LUZP2: variants seen among roughly 807,000 people sequenced by gnomAD.
LUZP2 encodes leucine zipper protein 2.
A neutral mutation model predicts 51.6 loss-of-function variants in LUZP2; 52 were observed. The observed-to-expected ratio is 1.01, with a 90% CI of 0.81 to 1.27. The LOEUF (loss-of-function observed/expected upper bound fraction) is 1.27, where lower values mean the gene tolerates loss of function less well. Among genes scored for constraint, LUZP2 ranks in the 50% most tolerant of loss-of-function variants. LUZP2 has a pLI of 0.00. For missense variants in LUZP2, 436 were observed against 395.4 expected, an observed-to-expected ratio of 1.10 and a Z score of -0.87; for synonymous variants, 154 against 137.3, an observed-to-expected ratio of 1.12 and a Z score of -0.85.
chr11:24,628,760 T>C (rs1245108379), intron 1 of LUZP2, among the ~76,000 whole-genome samples: 3 of 152,072 alleles, frequency 2.0e-5, no homozygotes, highest in Admixed American at 6.6e-5. Context: ...GGTTTCACCG[T>C]GTTGGCCAGG....
chr11:25,039,488 G>C (rs1857971586), intron 9 of LUZP2, among the ~76,000 whole-genome samples: 1 of 152,128 alleles, frequency 6.6e-6, no homozygotes, highest in African/African-American at 2.4e-5. Flanking sequence ...CAGTTAGCTG[G>C]GGCTAAAGCC....
In LUZP2 at chr11:24,887,500, A is replaced by G. The variant is rs142840560; in HGVS notation, c.397-18491A>G. Among the ~76,000 whole-genome samples the G allele has an allele frequency of 6.0e-3, 916 of 152,280 alleles. 7 individuals are homozygous for G. Among genetic ancestry groups the G allele is most frequent in the Non-Finnish European group, 9.7e-3 (662 of 68,026 alleles). Reference sequence around the variant, plus strand: ...GGCAATGAATGATTTCTTTAAAGGAAGTATCAGAAAAGCAGGCACCAGTCT... The same window carrying G: ...GGCAATGAATGATTTCTTTAAAGGAGGTATCAGAAAAGCAGGCACCAGTCT... On this transcript the variant is annotated intron_variant, in intron 5 of 11. Transcript: ENST00000336930.
intron 4 of LUZP2, among the ~76,000 whole-genome samples, chr11:24,753,961 G>A (rs935738801): frequency 6.6e-6 from 1 of 152,102 alleles, no homozygotes; most frequent in African/African-American, 2.4e-5. Context: ...AGTATTGGGG[G>A]ACCAGCCAAG....
chr11:24,562,649 C>T (rs1309992648), intron 1 of LUZP2, among the ~76,000 whole-genome samples: 1 of 149,312 alleles, frequency 6.7e-6, no homozygotes, highest in Non-Finnish European at 1.5e-5. Context: ...GTCAGGAGAA[C>T]GAGACCATCC....
At chr11:25,010,108 T>C (rs1351697683) in intron 9 of LUZP2, among the ~76,000 whole-genome samples, 5 of 152,230 alleles carry the variant, frequency 3.3e-5, no homozygotes, top group Non-Finnish European at 7.3e-5. Context: ...CACTGTTTTT[T>C]AAAACTATCA....
chr11:24,574,656 A>T (rs1409557416), intron 1 of LUZP2, among the ~76,000 whole-genome samples: 3 of 152,080 alleles, frequency 2.0e-5, no homozygotes, highest in Non-Finnish European at 4.4e-5. Context: ...TGAGTAAGTG[A>T]AAAAGTACTG....
chr11:24,589,919 C>T (rs576869002), intron 1 of LUZP2, among the ~76,000 whole-genome samples: 3 of 70,098 alleles, frequency 4.3e-5, no homozygotes, highest in Admixed American at 2.0e-4. Context: ...TGTTCACAAC[C>T]GAAGTAATTG....
chr11:24,791,212 T>C (rs187818450), intron 5 of LUZP2, among the ~76,000 whole-genome samples: 164 of 152,324 alleles, frequency 1.1e-3, no homozygotes, highest in Non-Finnish European at 2.0e-3. Flanking sequence ...TAATAAAATA[T>C]TACAGATCCA....
intron 9 of LUZP2, among the ~76,000 whole-genome samples, chr11:25,006,674 C>T (rs1048762396): frequency 9.2e-5 from 14 of 152,174 alleles, no homozygotes; most frequent in African/African-American, 3.4e-4. Context: ...TCCAATGGCA[C>T]TCACCACTTG....
At chr11:24,879,982 C>G (rs1019593774) in intron 5 of LUZP2, among the ~76,000 whole-genome samples, 1 of 152,172 alleles carries the variant, frequency 6.6e-6, no homozygotes, top group Non-Finnish European at 1.5e-5. Context: ...ATGTCACATG[C>G]TCCCCATGTC....
chr11:24,736,266 T>C (rs1565107198), intron 3 of LUZP2, among the ~76,000 whole-genome samples: 1 of 152,014 alleles, frequency 6.6e-6, no homozygotes, highest in East Asian at 1.9e-4. Flanking sequence ...CATTGTCATT[T>C]TAATAAAACA....
chr11:24,591,727 A>AG (rs1250097417), intron 1 of LUZP2, among the ~76,000 whole-genome samples: 10 of 152,190 alleles, frequency 6.6e-5, no homozygotes, highest in African/African-American at 9.6e-5. Context: ...AAATTGTGAT[A>AG]ATAATAGATA....
chr11:24,608,639 A>T (rs1854015300), intron 1 of LUZP2, among the ~76,000 whole-genome samples: 1 of 152,184 alleles, frequency 6.6e-6, no homozygotes, highest in South Asian at 2.1e-4. Flanking sequence ...AGTCAAGGGG[A>T]AATAACCTGA....
At chr11:24,585,660 C>T (rs1226917789) in intron 1 of LUZP2, among the ~76,000 whole-genome samples, 1 of 152,002 alleles carries the variant, frequency 6.6e-6, no homozygotes, top group Non-Finnish European at 1.5e-5. Context: ...TTTGTGTTGG[C>T]TGGGTCTGCT....
At chr11:25,042,649 C>A (rs1858105470) in intron 9 of LUZP2, among the ~76,000 whole-genome samples, 1 of 152,108 alleles carries the variant, frequency 6.6e-6, no homozygotes, top group South Asian at 2.1e-4. Flanking sequence ...CTGAAATCTG[C>A]CAGGACTATA....
At position 24,976,702 on chromosome 11, in the gene LUZP2, T is replaced by C. The variant is rs370090088; in HGVS notation, c.597+37T>C. 125 of 976,608 alleles carry C rather than the reference T, an allele frequency of 1.3e-4. No homozygotes were observed. The African/African-American group carries it at 2.7e-3, about 21-fold the overall frequency. 60.5% of individuals were successfully genotyped at this position (976,608 alleles called of 1,614,324 possible). A position where few individuals can be genotyped will look rare whatever the true frequency, so the allele number is the denominator to read the frequency against. On this transcript the variant is annotated intron_variant, in intron 8 of 11. Coordinates refer to ENST00000336930, the MANE Select transcript of LUZP2 (RefSeq NM_001009909.4). ...TTCATGAACCATTACAACTGTAGTT[T>C]TAGCAAAAAAAAAAAAAAAAAAAAA... is the stretch of plus-strand genomic sequence containing the variant.
intron 9 of LUZP2, among the ~76,000 whole-genome samples, chr11:24,985,694 G>T (rs1002273592): frequency 4.6e-5 from 7 of 151,660 alleles, no homozygotes; most frequent in African/African-American, 1.2e-4. Context: ...GATGTAAAGG[G>T]CAAGAGGAGG....
chr11:24,641,354 G>T lies in LUZP2; in HGVS notation c.63-87815G>T, dbSNP rs373045488. Among the ~76,000 whole-genome samples, 5 of 151,728 alleles carry T rather than the reference G, an allele frequency of 3.3e-5. No homozygotes were observed. In the South Asian group the frequency reaches 8.3e-4, roughly 25 times the overall value. Reference sequence around the variant, plus strand: ...TTAACAATCTGAATGACCTTAATTTGCAACTTTACCATCTTTGCATAGAGA... The same window carrying T: ...TTAACAATCTGAATGACCTTAATTTTCAACTTTACCATCTTTGCATAGAGA... On this transcript the variant is annotated intron_variant, in intron 1 of 11. Coordinates refer to ENST00000336930, the MANE Select transcript of LUZP2 (RefSeq NM_001009909.4).
At position 24,519,578 on chromosome 11, in the gene LUZP2, GA is replaced by G. The variant is rs972461053; in HGVS notation, c.62+22277del. On this transcript the variant is annotated intron_variant, in intron 1 of 11. Coordinates refer to ENST00000336930, the MANE Select transcript of LUZP2 (RefSeq NM_001009909.4). ...TGTCTTCCTCCAAAACTATCTTAGTGAAAAGTCCTTGGGAAAGGGTTTCGCC... is the reference window on the plus strand; with the variant it reads ...TGTCTTCCTCCAAAACTATCTTAGTGAAAGTCCTTGGGAAAGGGTTTCGCC... 1.3e-4 allele frequency among the ~76,000 whole-genome samples: 20 copies of G among 152,298 alleles called. 1 individual carries two copies. Among genetic ancestry groups the G allele is most frequent in the Admixed American group, 3.9e-4 (6 of 15,290 alleles).
Sources: gnomAD v4.1 joint callset for allele counts (sites outside exome capture counted in the v4.1 genomes callset) on GRCh38, gnomAD v4.1.1 for gene constraint, MANE v1.5 for transcripts, NCBI Gene and HGNC (gene_info 2026-07-23, HGNC 2026-07-21) for gene names.